The following PER2 variants were observed in gnomAD, a reference collection of about 807,000 sequenced individuals.
The protein encoded by PER2 is period circadian regulator 2.
In PER2, 66 loss-of-function variants were observed where a neutral mutation model predicts 121.0. That is an observed-to-expected ratio of 0.55 (90% CI 0.45 to 0.67). The LOEUF is 0.67. Ranked by LOEUF, PER2 falls within the 30% of genes least tolerant of loss-of-function variation. PER2 has a pLI of 0.00. For synonymous variants in PER2, 684 were observed against 659.9 expected (o/e 1.04, Z -0.56); for missense variants, 1,521 against 1,635.0 (o/e 0.93, Z 1.20).
upstream of PER2, among the ~76,000 whole-genome samples, chr2:238,292,265 A>G (rs1394560580): frequency 6.6e-6 from 1 of 152,232 alleles, no homozygotes; most frequent in Non-Finnish European, 1.5e-5. Context: ...TTCTTTGTTT[A>G]GGGGAGACAT....
chr2:238,252,819 T>A lies in PER2; in HGVS notation c.3111+93A>T. ...GGGTTTGGTGGAAACCTCAATCGTG[T>A]AACCCCCATGTCTGAACTGAGGATG... On this transcript the variant is annotated intron_variant, in intron 19 of 22. Coordinates refer to ENST00000254657, the MANE Select transcript of PER2 (RefSeq NM_022817.3). The surrounding 1 kb of genome is among the most constrained non-coding windows in gnomAD (Gnocchi z 4.2). 1 of 1,109,342 alleles carries A rather than the reference T, an allele frequency of 9.0e-7. No individual in the cohort carries two copies. Among genetic ancestry groups the A allele is most frequent in the Admixed American group, 1.7e-5 (1 of 59,416 alleles). 68.7% of individuals were successfully genotyped at this position (1,109,342 alleles called of 1,614,324 possible). A position where few individuals can be genotyped will look rare whatever the true frequency, so the allele number is the denominator to read the frequency against.
intron 1 of PER2, among the ~76,000 whole-genome samples, chr2:238,279,253 T>C (rs960000171): frequency 1.3e-5 from 2 of 152,180 alleles, no homozygotes; most frequent in Non-Finnish European, 2.9e-5. Flanking sequence ...GTGGTCATGC[T>C]TAATGAACAC....
Position 238,258,583 on chromosome 2 carries a change from C to T in PER2, c.1689G>A (p.Leu563=). 1 of 1,614,142 alleles carries T rather than the reference C, an allele frequency of 6.2e-7. No individual in the cohort carries two copies. The highest frequency in any genetic ancestry group is 8.5e-7 in the Non-Finnish European group (1 of 1,179,952). ...KAVPAMEKDS[L]GVSFPEELAC... ...CCAACTCCTCGGGGAAGCTGACCCC[C>T]AGGCTGTCCTTTTCCATGGCAGGGA... The change falls in exon 15 of 23, where the codon CTG becomes CTA. Residue 563 remains leucine, a synonymous_variant. Coordinates refer to ENST00000254657, the MANE Select transcript of PER2 (RefSeq NM_022817.3).
chr2:238,278,103 T>TGGGAGGAGCTACAGGTACTGGAGCGACA, intron 1 of PER2, 148 bp from the exon 2 acceptor site: 1 of 922,618 alleles, frequency 1.1e-6, no homozygotes. Flanking sequence ...TCTCTCTCTC[T>TGGGAGGAGCTACAGGTACTGGAGCGACA]TTCTTTCTTT....
At chr2:238,248,856 C>T (rs574425008) in intron 22 of PER2, 10 of 600,264 alleles carry the variant, frequency 1.7e-5, no homozygotes, top group South Asian at 6.0e-5. Flanking sequence ...GGGGTTTCAC[C>T]GTGTTTGCCA....
chr2:238,266,576 C>T (rs1231772916), intron 8 of PER2, among the ~76,000 whole-genome samples: 1 of 152,324 alleles, frequency 6.6e-6, no homozygotes, highest in Non-Finnish European at 1.5e-5. Context: ...AAAATTCCAA[C>T]ATTTTCATTC....
Position 238,273,154 on chromosome 2 carries a change from C to T in PER2, c.486G>A (p.Glu162=). ...EEYYQLLMSS[E]GHPCGADVPS... is the part of the protein sequence containing the mutation. The stretch of plus-strand genomic sequence containing the variant: ...GCACGTCTGCTCCACAGGGGTGACC[C>T]TCGCTGGACATCAGCAGCTGGTAAT... Residue 162 remains glutamate (E), a synonymous_variant, in exon 5 of 23, where the codon GAG becomes GAA. Coordinates refer to ENST00000254657, the MANE Select transcript of PER2 (RefSeq NM_022817.3). 1 of 1,614,000 alleles carries T rather than the reference C, an allele frequency of 6.2e-7. No homozygotes were observed. The highest frequency in any genetic ancestry group is 2.2e-5 in the East Asian group (1 of 44,874).
chr2:238,266,191 C>T (rs1350991051), intron 8 of PER2, among the ~76,000 whole-genome samples: 2 of 152,180 alleles, frequency 1.3e-5, no homozygotes, highest in African/African-American at 4.8e-5. Context: ...GCGTGAGCCA[C>T]TGCGCCCGGC....
rs1200785074 is a variant in PER2, at chr2:238,251,688, T to C, written c.3185A>G (p.Asn1062Ser). The stretch of plus-strand genomic sequence containing the variant: ...GCCCGAGGCTGAGCAGAGGTCCTCA[T>C]TCAGCAGGAGGTTTAGGAGGCCGCT... ...TSSGLLNLLL[N>S]EDLCSASGSA... The change falls in exon 20 of 23, where the codon AAT (asparagine) becomes AGT (serine). Residue 1062 changes from asparagine (N) to serine (S), a missense_variant. Transcript: ENST00000254657. The C allele has an allele frequency of 6.2e-7, 1 of 1,613,934 alleles. No homozygotes were observed. Among genetic ancestry groups the C allele is most frequent in the Non-Finnish European group, 8.5e-7 (1 of 1,179,814 alleles).
chr2:238,260,719 G>T, intron 13 of PER2, 109 bp downstream of exon 13: 1 of 1,209,892 alleles, frequency 8.3e-7, no homozygotes, highest in Non-Finnish European at 1.2e-6. Context: ...AGCAACAGCT[G>T]CAATCAGGAA....
intron 21 of PER2, 107 bp from the exon 22 acceptor site, chr2:238,249,319 T>C: frequency 8.3e-7 from 1 of 1,211,140 alleles, no homozygotes; most frequent in Non-Finnish European, 1.2e-6. Flanking sequence ...AATGCAAATT[T>C]CCTTTTCTTT....
upstream of PER2, chr2:238,289,876 C>T (rs1696917322): frequency 6.6e-6 from 1 of 152,264 alleles, no homozygotes; most frequent in African/African-American, 2.4e-5. Context: ...TTCCCCGGGT[C>T]TGGGTAGAAG....
At position 238,253,251 on chromosome 2, in the gene PER2, G is replaced by A; in HGVS notation, c.2772C>T (p.Phe924=). The A allele has an allele frequency of 6.2e-7, 1 of 1,604,712 alleles. No homozygotes were observed. The highest frequency in any genetic ancestry group is 8.5e-7 in the Non-Finnish European group (1 of 1,173,744). Residue 924 remains phenylalanine (F), a synonymous_variant, in exon 19 of 23, where the codon TTC becomes TTT. Transcript: ENST00000254657. The surrounding 1 kb of genome is among the most constrained non-coding windows in gnomAD (Gnocchi z 5.6). The part of the protein sequence containing the change: ...PSGTPNLPQA[F]FPSQPQFPSH... The stretch of plus-strand genomic sequence containing the variant: ...TCGGAAACTGAGGCTGGCTGGGGAA[G>A]AAGGCCTGGGGCAGGTTTGGGGTCC...
Position 238,262,932 on chromosome 2 carries a change from A to T in PER2, c.1153+20T>A. 6.6e-7 allele frequency: 1 copy of T among 1,510,652 alleles called. No individual in the cohort carries two copies. The highest frequency in any genetic ancestry group is 9.2e-7 in the Non-Finnish European group (1 of 1,085,990). The allele number at this position is 1,510,652 out of a possible 1,614,324, so 93.6% of individuals were successfully genotyped here. A position where few individuals can be genotyped will look rare whatever the true frequency, so the allele number is the denominator to read the frequency against. ...ACTTCCGCCAAACACTTCAGGATGT[A>T]CCATGAAAAGGGGACCTACTCTTTT... On this transcript the variant is annotated intron_variant, in intron 10 of 22. Transcript: ENST00000254657.
upstream of PER2, chr2:238,288,657 C>T (rs1696869670): frequency 6.6e-6 from 1 of 150,378 alleles, no homozygotes; most frequent in South Asian, 1.8e-4. Flanking sequence ...CGGCCGCGCC[C>T]GCGTCAGCCC....
the PER2 span, among the ~76,000 whole-genome samples, chr2:238,297,937 A>G: frequency 2.6e-5 from 4 of 152,124 alleles, no homozygotes; most frequent in African/African-American, 9.7e-5. Context: ...ATCAGGAAGC[A>G]GCAGCCAGCA....
chr2:238,253,788 A>C lies in PER2; in HGVS notation c.2321-86T>G. On this transcript the variant is annotated intron_variant, in intron 18 of 22. Coordinates refer to ENST00000254657, the MANE Select transcript of PER2 (RefSeq NM_022817.3). The surrounding 1 kb of genome is among the most constrained non-coding windows in gnomAD (Gnocchi z 5.6). Reference sequence around the variant, plus strand: ...TTCGTTCAACAGTCCTGGGTTTCCAAATGCTGGCCCAGGGCCTGCCTGGTC... The same window carrying C: ...TTCGTTCAACAGTCCTGGGTTTCCACATGCTGGCCCAGGGCCTGCCTGGTC... 1 of 1,094,440 alleles carries C rather than the reference A, an allele frequency of 9.1e-7. No homozygotes were observed. Among genetic ancestry groups the C allele is most frequent in the South Asian group, 1.3e-5 (1 of 74,746 alleles). The allele number at this position is 1,094,440 out of a possible 1,614,324, so 67.8% of individuals were successfully genotyped here. A position where few individuals can be genotyped will look rare whatever the true frequency, so the allele number is the denominator to read the frequency against.
At chr2:238,256,018 C>A (rs1026349862) in intron 17 of PER2, 107 bp from the exon 18 acceptor site, 66 of 1,365,636 alleles carry the variant, frequency 4.8e-5, no homozygotes, top group South Asian at 3.6e-4. Flanking sequence ...AAAGTAATTT[C>A]ATGATGCCTG....
intron 5 of PER2, 59 bp downstream of exon 5, chr2:238,273,011 C>T: frequency 1.3e-6 from 2 of 1,583,618 alleles, no homozygotes; most frequent in Non-Finnish European, 1.7e-6. Context: ...GCTGAGCTAG[C>T]TCGCCTGCAG....
Sources: allele counts gnomAD v4.1 joint callset (sites outside exome capture counted in the v4.1 genomes callset), GRCh38; gene constraint gnomAD v4.1.1; non-coding constraint Gnocchi (gnomAD v3.1); transcripts MANE v1.5; gene names NCBI Gene and HGNC (gene_info 2026-07-23, HGNC 2026-07-21).